TUBGCP4: variants seen among roughly 807,000 people sequenced by gnomAD.
The protein encoded by TUBGCP4 is gamma-tubulin complex component 4.
Under a neutral mutation model 91.6 loss-of-function variants are expected in TUBGCP4, and 54 were observed. That is an observed-to-expected ratio of 0.59 (90% CI 0.47 to 0.74). The LOEUF is 0.74. Among genes scored for constraint, TUBGCP4 ranks in the 30% least tolerant of loss-of-function variants. The pLI, the probability that TUBGCP4 is intolerant of heterozygous loss-of-function variation, is 0.00. For synonymous variants in TUBGCP4, 297 were observed against 302.8 expected (o/e 0.98, Z 0.20); for missense variants, 593 against 800.9 (o/e 0.74, Z 3.13).
chr15:43,380,435 C>CATA (rs2044270071), intron 6 of TUBGCP4, among the ~76,000 whole-genome samples: 1 of 152,174 alleles, frequency 6.6e-6, no homozygotes, highest in East Asian at 1.9e-4. Flanking sequence ...TCCTGTTATC[C>CATA]TTGCAGGAAT....
intron 17 of TUBGCP4, 48 bp from the exon 18 acceptor site, chr15:43,405,154 G>T (rs1179839976): frequency 9.3e-6 from 15 of 1,610,014 alleles, no homozygotes; most frequent in Admixed American, 3.3e-5. Context: ...TTTGAAGGTA[G>T]TCTTGGGAAA....
intron 8 of TUBGCP4, 105 bp from the exon 9 acceptor site, chr15:43,386,101 G>GA: frequency 1.3e-6 from 2 of 1,526,740 alleles, no homozygotes; most frequent in South Asian, 2.6e-5. Flanking sequence ...GTTTGTCTGA[G>GA]AAGCAGGTGA....
chr15:43,409,638 A>ACTCCTCAC lies in TUBGCP4; in HGVS notation c.*4427_*4434dup. 1 of 1,487,478 alleles carries ACTCCTCAC rather than the reference A, an allele frequency of 6.7e-7. No individual in the cohort carries two copies. The highest frequency in any genetic ancestry group is 9.1e-7 in the Non-Finnish European group (1 of 1,103,220). 92.1% of individuals were successfully genotyped at this position (1,487,478 alleles called of 1,614,324 possible). ...CCACTATATTAGGTTACACAAAGAAACTCCTCACCTGGGCTTCATTGAAAT... is the reference window on the plus strand; with the variant it reads ...CCACTATATTAGGTTACACAAAGAAACTCCTCACCTCCTCACCTGGGCTTCATTGAAAT... On this transcript the variant is annotated 3_prime_UTR_variant, in exon 18 of 18. Transcript: ENST00000564079.
At chr15:43,401,357 A>G (rs1041494285) in intron 14 of TUBGCP4, among the ~76,000 whole-genome samples, 1 of 151,958 alleles carries the variant, frequency 6.6e-6, no homozygotes, top group Non-Finnish European at 1.5e-5. Flanking sequence ...AGGCTGAGGC[A>G]GGAGAATTGC....
chr15:43,403,813 G>T lies in TUBGCP4; in HGVS notation c.1848+14G>T. The T allele has an allele frequency of 6.3e-7, 1 of 1,590,728 alleles. No homozygotes were observed. Among genetic ancestry groups the T allele is most frequent in the Middle Eastern group, 1.7e-4 (1 of 6,010 alleles). On this transcript the variant is annotated intron_variant, in intron 16 of 17. Transcript: ENST00000564079. ...ATTCTCGTGAAGGTGCGTCTGCCTG[G>T]AAGTATGCAGCCTTGCCGAAAGGAC...
intron 1 of TUBGCP4, among the ~76,000 whole-genome samples, chr15:43,373,069 T>C (rs2044149026): frequency 6.6e-6 from 1 of 152,190 alleles, no homozygotes; most frequent in Non-Finnish European, 1.5e-5. Flanking sequence ...AGGGAAAAGT[T>C]GTCATGAGTG....
chr15:43,383,567 T>C, intron 7 of TUBGCP4, 63 bp downstream of exon 7: 1 of 1,440,424 alleles, frequency 6.9e-7, no homozygotes, highest in Non-Finnish European at 9.3e-7. Context: ...TGCACACAAA[T>C]GATCTTCTGG....
chr15:43,383,579 G>T (rs990278467), intron 7 of TUBGCP4, 75 bp downstream of exon 7: 9 of 1,365,144 alleles, frequency 6.6e-6, no homozygotes, highest in African/African-American at 1.5e-5. Flanking sequence ...ATCTTCTGGT[G>T]ATCCCTTCTT....
At chr15:43,386,043 C>G in intron 8 of TUBGCP4, 87 bp downstream of exon 8, 1 of 1,543,664 alleles carries the variant, frequency 6.5e-7, no homozygotes. Context: ...CTGGTCAGAG[C>G]GAGTGGTCGA....
At chr15:43,383,278 G>A (rs1266577663) in intron 6 of TUBGCP4, 25 bp from the exon 7 acceptor site, 2 of 1,601,734 alleles carry the variant, frequency 1.2e-6, no homozygotes, top group African/African-American at 2.7e-5. Flanking sequence ...TGACTTCTGA[G>A]CCTCTTACTT....
Position 43,406,791 on chromosome 15 carries a change from T to TCATTC in TUBGCP4, c.*1581_*1585dup. 1 of 353,686 alleles carries TCATTC rather than the reference T, an allele frequency of 2.8e-6. No individual in the cohort carries two copies. The highest frequency in any genetic ancestry group is 5.5e-6 in the Non-Finnish European group (1 of 181,250). 21.9% of individuals were successfully genotyped at this position (353,686 alleles called of 1,614,324 possible). ...CTTCCCATGTTTATCTTACGGAAGG[T>TCATTC]CATTCCATCAAGCTTATGGTCACTG... On this transcript the variant is annotated 3_prime_UTR_variant, in exon 18 of 18. Transcript: ENST00000564079.
rs181386313 is a variant in TUBGCP4, at chr15:43,385,686, T to G, written c.724-105T>G. ...TGTGCAACACCAGATTTGAAGTCCC[T>G]GCGTCTTTATTTTAAATCATGGGTT... On this transcript the variant is annotated intron_variant, in intron 7 of 17. Transcript: ENST00000564079. 4.2e-5 allele frequency: 51 copies of G among 1,222,944 alleles called. No individual in the cohort carries two copies. The East Asian group carries it at 1.1e-3, about 26-fold the overall frequency. 75.8% of individuals were successfully genotyped at this position (1,222,944 alleles called of 1,614,324 possible). A position where few individuals can be genotyped will look rare whatever the true frequency, so the allele number is the denominator to read the frequency against.
intron 14 of TUBGCP4, among the ~76,000 whole-genome samples, chr15:43,401,004 C>T (rs1177800503): frequency 6.6e-6 from 1 of 152,082 alleles, no homozygotes; most frequent in Non-Finnish European, 1.5e-5. Flanking sequence ...CACCGCCACA[C>T]CAGCCTCTTA....
Position 43,401,777 on chromosome 15 carries a change from T to A in TUBGCP4, c.1658T>A (p.Phe553Tyr). Reference protein sequence around the residue: ...LLHQINSTRDFESIRLAHDHF... With the variant: ...LLHQINSTRDYESIRLAHDHF... ...CATCAGATCAATTCTACCCGAGACT[T>A]TGAAAGCATCCGATTGGCTCATGAC... The change falls in exon 15 of 18, where the codon TTT becomes TAT. Residue 553 changes from phenylalanine to tyrosine, a missense_variant. Physicochemically the swap from Phe to Tyr is conservative, Grantham distance 22 (BLOSUM62 3). Transcript: ENST00000564079. 1 of 1,614,146 alleles carries A rather than the reference T, an allele frequency of 6.2e-7. No individual in the cohort carries two copies. The highest frequency in any genetic ancestry group is 1.3e-5 in the African/African-American group (1 of 75,024).
Position 43,406,608 on chromosome 15 carries a change from C to G in TUBGCP4, c.*1394C>G. 1 of 455,916 alleles carries G rather than the reference C, an allele frequency of 2.2e-6. No homozygotes were observed. The highest frequency in any genetic ancestry group is 1.5e-5 in the South Asian group (1 of 64,548). 28.2% of individuals were successfully genotyped at this position (455,916 alleles called of 1,614,324 possible). ...CTCTTTGACCCTTTACAGAAAAAAACCTTGTTGACCCCTGCTTTAGAGAAT... is the reference window on the plus strand; with the variant it reads ...CTCTTTGACCCTTTACAGAAAAAAAGCTTGTTGACCCCTGCTTTAGAGAAT... On this transcript the variant is annotated 3_prime_UTR_variant, in exon 18 of 18. Coordinates refer to ENST00000564079, the MANE Select transcript of TUBGCP4 (RefSeq NM_014444.5).
At chr15:43,394,830 G>A (rs372238763) in intron 9 of TUBGCP4, 4 of 440,442 alleles carry the variant, frequency 9.1e-6, no homozygotes, top group East Asian at 9.0e-5. Flanking sequence ...AGTTTCCTGA[G>A]GCCTCCCTAG....
chr15:43,395,537 C>T, intron 10 of TUBGCP4, 46 bp from the exon 11 acceptor site: 1 of 1,399,194 alleles, frequency 7.1e-7, no homozygotes. Context: ...CAGTGAGGAG[C>T]TCCTGCCTTG....
At chr15:43,399,606 A>G (rs950204292) in intron 13 of TUBGCP4, among the ~76,000 whole-genome samples, 2 of 152,194 alleles carry the variant, frequency 1.3e-5, no homozygotes, top group African/African-American at 2.4e-5. Flanking sequence ...TTGGCCTCCC[A>G]AAGTGCCGGG....
chr15:43,387,853 T>G (rs1346772499), intron 9 of TUBGCP4, among the ~76,000 whole-genome samples: 1 of 151,960 alleles, frequency 6.6e-6, no homozygotes, highest in Non-Finnish European at 1.5e-5. Context: ...GTACCTTTAT[T>G]TTATTTTATT....
Sources: gnomAD v4.1 joint callset for allele counts (sites outside exome capture counted in the v4.1 genomes callset) on GRCh38, gnomAD v4.1.1 for gene constraint, MANE v1.5 for transcripts, NCBI Gene and HGNC (gene_info 2026-07-23, HGNC 2026-07-21) for gene names.